Variants in JADE2 observed in about 807,000 individuals in gnomAD.
JADE2 encodes jade family PHD finger 2.
JADE2 carries 13 observed loss-of-function variants against 85.7 expected under a neutral mutation model. That is an observed-to-expected ratio of 0.15 (90% CI 0.10 to 0.24). The LOEUF (loss-of-function observed/expected upper bound fraction) is 0.24. JADE2 is among the 10% of genes least tolerant of loss of function. The probability of loss-of-function intolerance (pLI) is 1.00; values close to 1 mark genes in which losing one functional copy is unlikely to be tolerated. For synonymous variants in JADE2, 440 were observed against 456.1 expected, an observed-to-expected ratio of 0.96 and a Z score of 0.45; for missense variants, 846 against 1,115.9, an observed-to-expected ratio of 0.76 and a Z score of 3.45.
chr5:134,535,706 G>A, intron 1 of JADE2, 152 bp from the exon 2 acceptor site: 3 of 649,242 alleles, frequency 4.6e-6, no homozygotes, highest in Non-Finnish European at 5.5e-6. Flanking sequence ...GGGAGAGGGT[G>A]GTGCTGGCAG....
At chr5:134,554,997 GGGGCCTAGT>G (rs1354908171) in intron 4 of JADE2, among the ~76,000 whole-genome samples, 6 of 152,278 alleles carry the variant, frequency 3.9e-5, no homozygotes, top group African/African-American at 1.4e-4. Flanking sequence ...CATGGCCACC[GGGGCCTAGT>G]GGGCTGGGCC....
intron 1 of JADE2, 91 bp from the exon 2 acceptor site, chr5:134,535,767 G>T: frequency 9.8e-7 from 1 of 1,020,930 alleles, no homozygotes; most frequent in Non-Finnish European, 1.6e-6. Flanking sequence ...AGTGTCATAA[G>T]TGTGGGGAGG....
chr5:134,573,564 A>G (rs1337749828), intron 9 of JADE2, 81 bp from the exon 10 acceptor site: 7 of 937,532 alleles, frequency 7.5e-6, no homozygotes, highest in African/African-American at 1.6e-5. Context: ...CACTGCCTCC[A>G]CCCATAGCAA....
chr5:134,552,001 G>C, intron 3 of JADE2, 51 bp from the exon 4 acceptor site: 1 of 1,598,728 alleles, frequency 6.3e-7, no homozygotes, highest in Non-Finnish European at 8.6e-7. Flanking sequence ...CTGTGGGGCA[G>C]ACTGCCCTGA....
intron 3 of JADE2, among the ~76,000 whole-genome samples, chr5:134,548,818 C>T (rs949178654): frequency 6.6e-6 from 1 of 152,198 alleles, no homozygotes; most frequent in African/African-American, 2.4e-5. Context: ...AATGCTGGTC[C>T]TTGAGCTTAA....
intron 3 of JADE2, among the ~76,000 whole-genome samples, chr5:134,546,455 G>C (rs1218269801): frequency 1.3e-5 from 2 of 152,190 alleles, no homozygotes; most frequent in African/African-American, 4.8e-5. Flanking sequence ...TATTAGAAGA[G>C]ATGGACATTA....
chr5:134,560,174 A>G (rs1763240288), intron 5 of JADE2, among the ~76,000 whole-genome samples, 184 bp downstream of exon 5: 1 of 152,206 alleles, frequency 6.6e-6, no homozygotes, highest in Admixed American at 6.5e-5. Flanking sequence ...AAGTTTCTGC[A>G]GCTATCAGGT....
upstream of JADE2, chr5:134,525,542 C>G: frequency 2.6e-6 from 1 of 380,666 alleles, no homozygotes; most frequent in Non-Finnish European, 4.3e-6. Flanking sequence ...AGCGGAGATC[C>G]GAGTGAATAA....
At chr5:134,569,100 G>A (rs1345185018) in intron 9 of JADE2, among the ~76,000 whole-genome samples, 2 of 152,252 alleles carry the variant, frequency 1.3e-5, no homozygotes, top group African/African-American at 4.8e-5. Flanking sequence ...ATGGGAATAA[G>A]GATCAGACTG....
intron 6 of JADE2, 150 bp downstream of exon 6, chr5:134,561,107 T>G (rs1379478478): frequency 2.9e-6 from 2 of 692,122 alleles, no homozygotes; most frequent in Non-Finnish European, 4.8e-6. Flanking sequence ...TGGTACCATG[T>G]GCACCCAGGG....
chr5:134,562,174 C>T lies in JADE2; in HGVS notation c.685-26C>T. On this transcript the variant is annotated intron_variant, in intron 6 of 11. Transcript: ENST00000681547. This position sits in a 1 kb window ranked among gnomAD's most constrained non-coding sequence, Gnocchi z 4.6. ...GACACAGATTGGCCAGTTCCGCTGA[C>T]TCATGACCACCCTGCTCTCTCCTAG... 6.3e-7 allele frequency: 1 copy of T among 1,581,748 alleles called. No homozygotes were observed. Among genetic ancestry groups the T allele is most frequent in the Non-Finnish European group, 8.6e-7 (1 of 1,161,594 alleles).
At chr5:134,537,393 C>T (rs1372344992) in intron 2 of JADE2, among the ~76,000 whole-genome samples, 1 of 152,210 alleles carries the variant, frequency 6.6e-6, no homozygotes, top group Non-Finnish European at 1.5e-5. Flanking sequence ...TGAGACTTTA[C>T]AGGCATGATA....
In JADE2 at chr5:134,566,243, A is replaced by T; in HGVS notation, c.1097A>T (p.Asp366Val). 3 of 1,614,128 alleles carry T rather than the reference A, an allele frequency of 1.9e-6. No homozygotes were observed. Among genetic ancestry groups the T allele is most frequent in the Non-Finnish European group, 2.5e-6 (3 of 1,180,030 alleles). The change falls in exon 9 of 12, where the codon GAC (aspartate) becomes GTC (valine). Residue 366 changes from aspartate (D) to valine (V), a missense_variant. Around this residue, in one of 9 missense-constraint regions of JADE2, gnomAD observed 39 missense variants for 37.6 expected, o/e 1.04. Transcript: ENST00000681547. This position sits in a 1 kb window ranked among gnomAD's most constrained non-coding sequence, Gnocchi z 6.7. ...AAGTCATTCTGCCAGGAGCACAGTG[A>T]CGGGGGCCCACGTAATGAGCCCACA... is the stretch of plus-strand genomic sequence containing the variant. ...KFKSFCQEHS[D>V]GGPRNEPTSE...
At chr5:134,535,288 A>G (rs1045224770) in intron 1 of JADE2, among the ~76,000 whole-genome samples, 15 of 152,066 alleles carry the variant, frequency 9.9e-5, no homozygotes, top group Non-Finnish European at 1.5e-4. Context: ...CCTGGGCCTG[A>G]TGTGTCTCAG....
intron 9 of JADE2, among the ~76,000 whole-genome samples, chr5:134,573,389 C>G (rs1419166105): frequency 6.6e-6 from 1 of 152,192 alleles, no homozygotes; most frequent in African/African-American, 2.4e-5. Flanking sequence ...ATGCTTTTCC[C>G]TGGCTGCTCT....
In JADE2 at chr5:134,566,182, C is replaced by T. The variant is rs749616438; in HGVS notation, c.1036C>T (p.Arg346Trp). Residue 346 changes from arginine to tryptophan, a missense_variant, in exon 9 of 12, where the codon CGG (arginine) becomes TGG (tryptophan). Coordinates refer to ENST00000681547, the MANE Select transcript of JADE2 (RefSeq NM_001388185.1). The surrounding 1 kb of genome is among the most constrained non-coding windows in gnomAD (Gnocchi z 6.7). Reference sequence around the variant, plus strand: ...CGCCTTTGACCACGGCCTGGAAATGCGGACTATATTAGCAGACAACGATGA... The same window carrying T: ...CGCCTTTGACCACGGCCTGGAAATGTGGACTATATTAGCAGACAACGATGA... ...TCAFDHGLEM[R>W]TILADNDEVK... 1.2e-6 allele frequency: 2 copies of T among 1,614,012 alleles called. No homozygotes were observed. Among genetic ancestry groups the T allele is most frequent in the Non-Finnish European group, 1.7e-6 (2 of 1,180,004 alleles).
intron 2 of JADE2, 41 bp downstream of exon 2, chr5:134,535,956 G>C (rs1252382177): frequency 1.3e-6 from 2 of 1,569,114 alleles, no homozygotes; most frequent in African/African-American, 2.7e-5. Context: ...GAAAGCATTT[G>C]AACAGTGATC....
At chr5:134,557,280 A>ATTTTTTTTTTTTTTTTTTTTTTTTT (rs60115543) in intron 4 of JADE2, among the ~76,000 whole-genome samples, 1 of 130,704 alleles carries the variant, frequency 7.7e-6, no homozygotes, top group African/African-American at 2.9e-5. Flanking sequence ...TTTTTTTTTT[A>ATTTTTTTTTTTTTTTTTTTTTTTTT]TTTTTTTTTT....
intron 9 of JADE2, among the ~76,000 whole-genome samples, chr5:134,567,663 C>T (rs929383125): frequency 1.3e-5 from 2 of 152,164 alleles, no homozygotes; most frequent in African/African-American, 4.8e-5. Flanking sequence ...GTGGGCAAGG[C>T]TGTAAAATGG....
Sources: gnomAD v4.1 joint callset for allele counts (sites outside exome capture counted in the v4.1 genomes callset) on GRCh38, gnomAD v4.1.1 for gene constraint, gnomAD v4.1.1 regional missense constraint, Gnocchi (gnomAD v3.1) non-coding constraint, MANE v1.5 for transcripts, NCBI Gene and HGNC (gene_info 2026-07-23, HGNC 2026-07-21) for gene names.